The following FOXP2 variants were observed in gnomAD, a reference collection of about 807,000 sequenced individuals.
FOXP2 encodes the protein forkhead box protein P2.
FOXP2 carries 12 observed loss-of-function variants against 115.8 expected under a neutral mutation model. That is an observed-to-expected ratio of 0.10 (90% CI 0.07 to 0.17). The LOEUF (loss-of-function observed/expected upper bound fraction) is 0.17. Ranked by LOEUF, FOXP2 falls within the 10% of genes least tolerant of loss-of-function variation. The pLI, the probability that FOXP2 is intolerant of heterozygous loss-of-function variation, is 1.00. For missense variants in FOXP2, 629 were observed against 843.5 expected, an observed-to-expected ratio of 0.75 and a Z score of 3.15; for synonymous variants, 328 against 297.7, an observed-to-expected ratio of 1.10 and a Z score of -1.05.
At chr7:114,336,703 A>C (rs758865071) in intron 2 of FOXP2, among the ~76,000 whole-genome samples, 21 of 151,550 alleles carry the variant, frequency 1.4e-4, no homozygotes, top group Admixed American at 5.9e-4. Flanking sequence ...AACATTGCCT[A>C]ATGGTATAGT....
At chr7:114,352,355 G>A (rs1005178208) in intron 2 of FOXP2, among the ~76,000 whole-genome samples, 1 of 152,100 alleles carries the variant, frequency 6.6e-6, no homozygotes, top group Non-Finnish European at 1.5e-5. Context: ...GCCTCAAAAC[G>A]ATCTTCACAT....
At chr7:114,497,626 C>G (rs1797378192) in intron 2 of FOXP2, among the ~76,000 whole-genome samples, 1 of 151,488 alleles carries the variant, frequency 6.6e-6, no homozygotes, top group South Asian at 2.1e-4. Context: ...TCTATCTAGC[C>G]TGGGTGAAAG....
chr7:114,435,729 G>T (rs917915480), intron 2 of FOXP2, among the ~76,000 whole-genome samples: 1 of 152,080 alleles, frequency 6.6e-6, no homozygotes, highest in Non-Finnish European at 1.5e-5. Context: ...AGTAGAGACG[G>T]GGTTTCACCA....
chr7:114,580,316 G>A (rs1329163398), intron 3 of FOXP2, among the ~76,000 whole-genome samples: 5 of 152,188 alleles, frequency 3.3e-5, no homozygotes, highest in Admixed American at 6.5e-5. Context: ...GGTGGCTCAC[G>A]CCTGTAATCC....
intron 2 of FOXP2, among the ~76,000 whole-genome samples, chr7:114,459,933 A>G (rs1182757071): frequency 6.6e-6 from 1 of 152,116 alleles, no homozygotes; most frequent in African/African-American, 2.4e-5. Context: ...GTTATTTTTA[A>G]AAACCATTGC....
intron 2 of FOXP2, among the ~76,000 whole-genome samples, chr7:114,439,900 A>C (rs188268377): frequency 9.9e-4 from 151 of 152,270 alleles, no homozygotes; most frequent in Non-Finnish European, 1.8e-3. Context: ...ATTATTTTGT[A>C]ATAGGAGCTT....
intron 1 of FOXP2, among the ~76,000 whole-genome samples, chr7:114,193,072 A>G (rs1209729809): frequency 2.0e-5 from 3 of 152,122 alleles, no homozygotes; most frequent in Non-Finnish European, 4.4e-5. Flanking sequence ...TTTATAGTAG[A>G]TATTTTATAA....
chr7:114,250,278 C>T (rs1191761212), intron 1 of FOXP2, among the ~76,000 whole-genome samples: 1 of 152,034 alleles, frequency 6.6e-6, no homozygotes, highest in Non-Finnish European at 1.5e-5. Flanking sequence ...GTCTTTATAG[C>T]AGCATGATTT....
chr7:114,231,053 C>T (rs144028876), intron 1 of FOXP2, among the ~76,000 whole-genome samples: 2,413 of 151,228 alleles, frequency 0.016, 39 homozygotes, highest in Middle Eastern at 0.041. Context: ...TTGCAGGATA[C>T]GATATCAACA....
chr7:114,645,574 A>G (rs1242570938), intron 8 of FOXP2: 2 of 152,176 alleles, frequency 1.3e-5, no homozygotes, highest in Non-Finnish European at 2.9e-5. Context: ...AGATAGGCTT[A>G]TGGAGATGAG....
intron 2 of FOXP2, among the ~76,000 whole-genome samples, chr7:114,380,093 C>A (rs993141173): frequency 6.6e-6 from 1 of 152,102 alleles, no homozygotes; most frequent in African/African-American, 2.4e-5. Context: ...CTTCAATACC[C>A]GCTTGGCGGT....
intron 1 of FOXP2, among the ~76,000 whole-genome samples, chr7:114,240,222 GT>G (rs921322994): frequency 2.0e-5 from 3 of 152,098 alleles, no homozygotes; most frequent in African/African-American, 7.2e-5. Flanking sequence ...CTTTTTGTTG[GT>G]TGGGGGGAGG....
At chr7:114,140,678 G>A (rs977916149) in intron 1 of FOXP2, among the ~76,000 whole-genome samples, 1 of 152,142 alleles carries the variant, frequency 6.6e-6, no homozygotes, top group Non-Finnish European at 1.5e-5. Flanking sequence ...CTGTGGTGGT[G>A]CCTCCAAACT....
At chr7:114,271,863 C>A (rs1796061138) in intron 1 of FOXP2, among the ~76,000 whole-genome samples, 1 of 120,002 alleles carries the variant, frequency 8.3e-6, no homozygotes, top group African/African-American at 3.3e-5. Context: ...ATTATTAAAA[C>A]ATTATAATAT....
intron 1 of FOXP2, among the ~76,000 whole-genome samples, chr7:114,272,311 T>C (rs1796084457): frequency 6.6e-6 from 1 of 151,482 alleles, no homozygotes; most frequent in South Asian, 2.1e-4. Context: ...TTTTTGCAAT[T>C]TGTGTTCCTG....
chr7:114,558,060 G>T (rs1286215261), intron 3 of FOXP2, among the ~76,000 whole-genome samples: 3 of 152,066 alleles, frequency 2.0e-5, no homozygotes, highest in Non-Finnish European at 4.4e-5. Flanking sequence ...ACCCACCTTG[G>T]CCTCCCAAAG....
At chr7:114,361,257 A>T (rs1436873025) in intron 2 of FOXP2, among the ~76,000 whole-genome samples, 1 of 152,126 alleles carries the variant, frequency 6.6e-6, no homozygotes, top group Admixed American at 6.6e-5. Flanking sequence ...TTTGCCTAGG[A>T]TAATTAAGAA....
In FOXP2 at chr7:114,538,495, T is replaced by C. The variant is rs1252419593; in HGVS notation, c.258+3789T>C. The C allele has an allele frequency of 9.2e-6, 5 of 545,392 alleles. No individual in the cohort carries two copies. In the East Asian group the frequency reaches 3.5e-4, roughly 39 times the overall value. The allele number at this position is 545,392 out of a possible 1,614,324, so 33.8% of individuals were successfully genotyped here. On this transcript the variant is annotated intron_variant, in intron 3 of 16. Coordinates refer to ENST00000350908, the MANE Select transcript of FOXP2 (RefSeq NM_014491.4). ...AAAGTTCTCCTTTCTAATAGGTAAT[T>C]GAATTATAAAATTTTTATAATTCTG...
At chr7:114,282,025 AG>A (rs1170816582) in intron 1 of FOXP2, among the ~76,000 whole-genome samples, 1 of 152,168 alleles carries the variant, frequency 6.6e-6, no homozygotes, top group Non-Finnish European at 1.5e-5. Context: ...TGTGGCTCAA[AG>A]AGAGCAAATT....
Sources: allele counts gnomAD v4.1 joint callset (sites outside exome capture counted in the v4.1 genomes callset), GRCh38; gene constraint gnomAD v4.1.1; transcripts MANE v1.5; gene names NCBI Gene and HGNC (gene_info 2026-07-23, HGNC 2026-07-21).